HMG20A: variants seen among roughly 807,000 people sequenced by gnomAD.
HMG20A encodes high mobility group protein 20A.
HMG20A carries 17 observed loss-of-function variants against 43.9 expected under a neutral mutation model. That is an observed-to-expected ratio of 0.39 (90% CI 0.27 to 0.58). The LOEUF (loss-of-function observed/expected upper bound fraction) is 0.58. Among genes scored for constraint, HMG20A ranks in the 20% least tolerant of loss-of-function variants. The pLI, the probability that HMG20A is intolerant of heterozygous loss-of-function variation, is 0.59. For synonymous variants in HMG20A, 132 were observed against 147.5 expected, an observed-to-expected ratio of 0.89 and a Z score of 0.76; for missense variants, 341 against 438.2, an observed-to-expected ratio of 0.78 and a Z score of 1.98.
At chr15:77,425,553 A>G (rs749996650) in intron 1 of HMG20A, among the ~76,000 whole-genome samples, 23 of 152,160 alleles carry the variant, frequency 1.5e-4, no homozygotes, top group Non-Finnish European at 3.1e-4. Context: ...CTCCTATATA[A>G]CTGGAGCTGT....
At chr15:77,515,684 A>C in the HMG20A span, among the ~76,000 whole-genome samples, 1 of 152,216 alleles carries the variant, frequency 6.6e-6, no homozygotes, top group African/African-American at 2.4e-5. Context: ...GGTGATCACG[A>C]AGTGAATTCA....
chr15:77,515,572 G>A, the HMG20A span, among the ~76,000 whole-genome samples: 10 of 152,044 alleles, frequency 6.6e-5, no homozygotes, highest in Non-Finnish European at 1.5e-4. Context: ...TTACAGGCAT[G>A]AGCCACCATG....
chr15:77,427,095 C>G (rs1365804472), intron 1 of HMG20A, among the ~76,000 whole-genome samples: 1 of 151,984 alleles, frequency 6.6e-6, no homozygotes. Flanking sequence ...TGGGAGTATT[C>G]TAAGGTAAGG....
intron 1 of HMG20A, among the ~76,000 whole-genome samples, chr15:77,441,598 T>A (rs1356621264): frequency 2.0e-5 from 3 of 152,164 alleles, no homozygotes; most frequent in Admixed American, 6.6e-5. Context: ...CAAAGTCAGA[T>A]TTCCTGACTT....
chr15:77,454,127 A>G (rs1219548373), intron 1 of HMG20A, among the ~76,000 whole-genome samples: 1 of 150,896 alleles, frequency 6.6e-6, no homozygotes, highest in African/African-American at 2.4e-5. Flanking sequence ...ATGCCACTGC[A>G]CTCCAGCCTG....
chr15:77,471,711 G>C (rs17471809), intron 5 of HMG20A, 72 bp from the exon 6 acceptor site: 84,948 of 899,982 alleles, frequency 0.094, 4,526 homozygotes, highest in Admixed American at 0.12. Context: ...TAGTTTGGCA[G>C]AGTCGTATAC....
chr15:77,450,061 T>C (rs1023807365), intron 1 of HMG20A, among the ~76,000 whole-genome samples: 1 of 152,210 alleles, frequency 6.6e-6, no homozygotes, highest in Non-Finnish European at 1.5e-5. Flanking sequence ...GTTTCCCTTA[T>C]CCAAAATGCC....
the HMG20A span, among the ~76,000 whole-genome samples, chr15:77,512,727 T>G: frequency 9.9e-5 from 15 of 152,052 alleles, no homozygotes; most frequent in African/African-American, 3.6e-4. Context: ...AAATTTTTGA[T>G]GAGAAACAGG....
intron 1 of HMG20A, among the ~76,000 whole-genome samples, chr15:77,437,874 C>G (rs2073566443): frequency 6.6e-6 from 1 of 151,942 alleles, no homozygotes; most frequent in Non-Finnish European, 1.5e-5. Flanking sequence ...GTGCGCAGCC[C>G]TAAGTTGAAA....
chr15:77,459,510 A>G (rs528519158), intron 2 of HMG20A, among the ~76,000 whole-genome samples: 2 of 152,288 alleles, frequency 1.3e-5, no homozygotes, highest in African/African-American at 4.8e-5. Context: ...GAGAAAAGGG[A>G]TAGGAAGGGT....
chr15:77,440,015 T>A lies in HMG20A; in HGVS notation c.-4-18389T>A, dbSNP rs527657263. ...TTGCTTTGTATTTAGCCCCCTTTTTTAAAAAAATGGGTCATTTATTTTTAA... is the reference window on the plus strand; with the variant it reads ...TTGCTTTGTATTTAGCCCCCTTTTTAAAAAAAATGGGTCATTTATTTTTAA... On this transcript the variant is annotated intron_variant, in intron 1 of 9. Coordinates refer to ENST00000336216, the MANE Select transcript of HMG20A (RefSeq NM_001304504.2). Among the ~76,000 whole-genome samples the A allele has an allele frequency of 1.6e-4, 24 of 152,078 alleles. No homozygotes were observed. The South Asian group carries it at 4.8e-3, about 30-fold the overall frequency.
At chr15:77,511,532 A>C in the HMG20A span, among the ~76,000 whole-genome samples, 1 of 152,254 alleles carries the variant, frequency 6.6e-6, no homozygotes, top group Non-Finnish European at 1.5e-5. Flanking sequence ...TCGAAAGCAC[A>C]TAAGATAATA....
chr15:77,450,818 C>T (rs1158079301), intron 1 of HMG20A, among the ~76,000 whole-genome samples: 1 of 152,172 alleles, frequency 6.6e-6, no homozygotes, highest in Non-Finnish European at 1.5e-5. Context: ...TATTTTCATA[C>T]AATGAAGGAG....
the HMG20A span, among the ~76,000 whole-genome samples, chr15:77,508,526 G>A: frequency 2.6e-5 from 4 of 152,178 alleles, no homozygotes; most frequent in African/African-American, 9.7e-5. Flanking sequence ...CCAAGTGTAC[G>A]CGGCTGGTCA....
chr15:77,432,589 G>A (rs1199028323), intron 1 of HMG20A, among the ~76,000 whole-genome samples: 1 of 151,922 alleles, frequency 6.6e-6, no homozygotes, highest in African/African-American at 2.4e-5. Context: ...GGGCGTAGTG[G>A]CAGGTGCCTG....
intron 6 of HMG20A, among the ~76,000 whole-genome samples, chr15:77,475,665 T>C (rs557695117): frequency 2.0e-5 from 3 of 152,250 alleles, no homozygotes; most frequent in African/African-American, 7.2e-5. Flanking sequence ...TGTGGACTTA[T>C]GTTTATATCT....
At chr15:77,512,042 C>CT in the HMG20A span, among the ~76,000 whole-genome samples, 1 of 152,296 alleles carries the variant, frequency 6.6e-6, no homozygotes, top group East Asian at 1.9e-4. Flanking sequence ...GATAAACAAA[C>CT]TGTGGTATAA....
chr15:77,504,076 A>G, the HMG20A span, among the ~76,000 whole-genome samples: 1 of 152,342 alleles, frequency 6.6e-6, no homozygotes, highest in East Asian at 1.9e-4. Context: ...GATAGGGAAA[A>G]AAATATCTTT....
chr15:77,481,715 C>G (rs1391479125), intron 9 of HMG20A, among the ~76,000 whole-genome samples: 1 of 152,158 alleles, frequency 6.6e-6, no homozygotes, highest in Non-Finnish European at 1.5e-5. Flanking sequence ...AAAGTGTGAA[C>G]TGTTATATTA....
Sources: allele counts gnomAD v4.1 joint callset (sites outside exome capture counted in the v4.1 genomes callset), GRCh38; gene constraint gnomAD v4.1.1; transcripts MANE v1.5; gene names NCBI Gene and HGNC (gene_info 2026-07-23, HGNC 2026-07-21).